FOCAD: variants seen among roughly 807,000 people sequenced by gnomAD.
The protein encoded by FOCAD is KIAA1797.
In FOCAD, 198 loss-of-function variants were observed where a neutral mutation model predicts 225.6. The observed-to-expected ratio is 0.88, with a 90% CI of 0.78 to 0.99. The LOEUF is 0.99. FOCAD is among the 50% of genes least tolerant of loss of function. FOCAD has a pLI of 0.00. For missense variants in FOCAD, 2,713 were observed against 2,123.6 expected (o/e 1.28, Z -5.46); for synonymous variants, 897 against 755.0 (o/e 1.19, Z -3.08).
At chr9:20,905,290 A>C (rs1832863041) in intron 21 of FOCAD, among the ~76,000 whole-genome samples, 1 of 152,020 alleles carries the variant, frequency 6.6e-6, no homozygotes, top group Admixed American at 6.6e-5. Flanking sequence ...CCTTTTAAAT[A>C]GGTTTCCTGG....
chr9:20,660,838 AAAG>A (rs1410281314), intron 2 of FOCAD, among the ~76,000 whole-genome samples: 1 of 152,164 alleles, frequency 6.6e-6, no homozygotes. Context: ...TACAGAAATA[AAAG>A]AAGAATTATG....
chr9:20,960,323 C>T lies in FOCAD; in HGVS notation c.4132+7258C>T, dbSNP rs571009709. Among the ~76,000 whole-genome samples the T allele has an allele frequency of 5.2e-4, 79 of 152,326 alleles. 1 individual carries two copies. The highest frequency in any genetic ancestry group is 1.8e-3 in the African/African-American group (76 of 41,562). On this transcript the variant is annotated intron_variant, in intron 35 of 43. Transcript: ENST00000338382. ...GCTTCTCACTGCATCCCATCTGTGG[C>T]ACATGACGTCTCAGCTGCCTCCACT...
chr9:20,740,386 A>G, intron 5 of FOCAD, 46 bp downstream of exon 5: 2 of 1,071,404 alleles, frequency 1.9e-6, no homozygotes, highest in Non-Finnish European at 2.8e-6. Flanking sequence ...TGAATTTTTA[A>G]TGAAATTATT....
Position 20,714,588 on chromosome 9 carries a change from C to G in FOCAD, c.-32-734C>G, listed in dbSNP as rs529897950. Among the ~76,000 whole-genome samples the G allele has an allele frequency of 2.1e-5, 3 of 140,860 alleles. No individual in the cohort carries two copies. The East Asian group carries it at 6.6e-4, about 31-fold the overall frequency. 92.4% of individuals were successfully genotyped at this position (140,860 alleles called of 152,430 possible). A position where few individuals can be genotyped will look rare whatever the true frequency, so the allele number is the denominator to read the frequency against. On this transcript the variant is annotated intron_variant, in intron 1 of 43. Coordinates refer to ENST00000338382, the MANE Select transcript of FOCAD (RefSeq NM_001375567.1). Reference sequence around the variant, plus strand: ...GGTCCTGCTTTACCACCTGCCTTCCCCATCCTTTTGCATGCTTGCCTGCCT... The same window carrying G: ...GGTCCTGCTTTACCACCTGCCTTCCGCATCCTTTTGCATGCTTGCCTGCCT...
rs769579823 is a variant in FOCAD, at chr9:20,866,954, A to G, written c.2132A>G (p.Tyr711Cys). 2.7e-6 allele frequency: 4 copies of G among 1,504,186 alleles called. No homozygotes were observed. The highest frequency in any genetic ancestry group is 3.8e-5 in the Admixed American group (2 of 51,962). 93.2% of individuals were successfully genotyped at this position (1,504,186 alleles called of 1,614,324 possible). ...NKDPIVANAA[Y>C]RSLANFSAGE... Reference sequence around the variant, plus strand: ...GACCCAATTGTAGCAAATGCTGCATATAGATCCCTGGCCAACTTTAGTGCA... The same window carrying G: ...GACCCAATTGTAGCAAATGCTGCATGTAGATCCCTGGCCAACTTTAGTGCA... Residue 711 changes from tyrosine to cysteine, a missense_variant, in exon 18 of 44, where the codon TAT becomes TGT. Coordinates refer to ENST00000338382, the MANE Select transcript of FOCAD (RefSeq NM_001375567.1).
Position 20,948,307 on chromosome 9 carries a change from C to T in FOCAD, c.3712C>T (p.His1238Tyr). 6.2e-7 allele frequency: 1 copy of T among 1,610,742 alleles called. No individual in the cohort carries two copies. The highest frequency in any genetic ancestry group is 8.5e-7 in the Non-Finnish European group (1 of 1,178,250). Residue 1238 changes from histidine (H) to tyrosine (Y), a missense_variant, in exon 31 of 44, where the codon CAT becomes TAT. His to Tyr is a moderately conservative substitution (Grantham distance 83, BLOSUM62 2). Coordinates refer to ENST00000338382, the MANE Select transcript of FOCAD (RefSeq NM_001375567.1). ...GFALALGNIV[H>Y]GLSVCGHGKA... ...TGCCCTGGCTTTAGGAAACATAGTT[C>T]ATGGATTGTCTGTGTGTGGACATGG...
intron 11 of FOCAD, among the ~76,000 whole-genome samples, chr9:20,815,569 TGCTG>T (rs1823643846): frequency 6.6e-6 from 1 of 151,940 alleles, no homozygotes; most frequent in East Asian, 1.9e-4. Context: ...ACTCCCTTCT[TGCTG>T]GCAAGATTTC....
chr9:20,920,514 G>A (rs561948687), intron 24 of FOCAD, among the ~76,000 whole-genome samples: 108 of 126,386 alleles, frequency 8.5e-4, no homozygotes, highest in African/African-American at 3.1e-3. Context: ...ACATGCACAC[G>A]TATGTTTATT....
At chr9:20,714,637 T>TGCC (rs397745185) in intron 1 of FOCAD, among the ~76,000 whole-genome samples, 27,205 of 71,460 alleles carry the variant, frequency 0.38, 4,325 homozygotes, top group Middle Eastern at 0.44. Context: ...CCTGCCTGCC[T>TGCC]TCCTTCCTTC....
At chr9:20,970,901 C>T (rs1275492440) in intron 35 of FOCAD, among the ~76,000 whole-genome samples, 2 of 152,024 alleles carry the variant, frequency 1.3e-5, no homozygotes, top group Non-Finnish European at 2.9e-5. Context: ...TCACATTAAA[C>T]ATTAATTAAG....
At position 20,885,246 on chromosome 9, in the gene FOCAD, CTCT is replaced by C; in HGVS notation, c.2625+21_2625+23del. On this transcript the variant is annotated intron_variant, in intron 21 of 43. Transcript: ENST00000338382. ...TGTACATGAGGTAGGTTCCCGTGTC[CTCT>C]TCTTTATGTTTTAGTGTTTTCTCCC... is the stretch of plus-strand genomic sequence containing the variant. The C allele has an allele frequency of 1.4e-6, 2 of 1,446,950 alleles. No homozygotes were observed. Among genetic ancestry groups the C allele is most frequent in the Non-Finnish European group, 1.8e-6 (2 of 1,096,402 alleles). 89.6% of individuals were successfully genotyped at this position (1,446,950 alleles called of 1,614,324 possible). A position where few individuals can be genotyped will look rare whatever the true frequency, so the allele number is the denominator to read the frequency against.
chr9:20,772,039 C>T (rs1818289836), intron 8 of FOCAD, among the ~76,000 whole-genome samples: 1 of 152,068 alleles, frequency 6.6e-6, no homozygotes, highest in Non-Finnish European at 1.5e-5. Context: ...TTTGAGAGGA[C>T]ACAGTTCAGC....
At chr9:20,915,988 A>G (rs777835460) in intron 23 of FOCAD, among the ~76,000 whole-genome samples, 7 of 152,228 alleles carry the variant, frequency 4.6e-5, no homozygotes. Flanking sequence ...TTTAAAAAAT[A>G]CAAGATTGAG....
intron 24 of FOCAD, among the ~76,000 whole-genome samples, chr9:20,921,931 C>T (rs1238280303): frequency 6.6e-6 from 1 of 152,102 alleles, no homozygotes; most frequent in African/African-American, 2.4e-5. Context: ...CTCACGTTTT[C>T]TACAGAGTAA....
chr9:20,973,009 C>G (rs1420907355), intron 35 of FOCAD, among the ~76,000 whole-genome samples: 1 of 150,626 alleles, frequency 6.6e-6, no homozygotes, highest in Non-Finnish European at 1.5e-5. Flanking sequence ...GTTCCCTCTT[C>G]TTTCAGCATC....
chr9:20,770,319 G>A (rs1818075803), intron 8 of FOCAD, 81 bp downstream of exon 8: 1 of 1,302,924 alleles, frequency 7.7e-7, no homozygotes, highest in Admixed American at 1.9e-5. Flanking sequence ...AAGAAATGAG[G>A]TTTAATTGGC....
chr9:20,881,114 C>T (rs1830632997), intron 19 of FOCAD, among the ~76,000 whole-genome samples: 1 of 152,046 alleles, frequency 6.6e-6, no homozygotes, highest in Non-Finnish European at 1.5e-5. Flanking sequence ...CCTAATATTG[C>T]TAAGTATAGA....
At chr9:20,728,215 T>G (rs990167964) in intron 4 of FOCAD, among the ~76,000 whole-genome samples, 4 of 152,180 alleles carry the variant, frequency 2.6e-5, no homozygotes, top group Non-Finnish European at 5.9e-5. Context: ...AACTATCCCC[T>G]GTCTGAAATG....
At chr9:20,800,554 C>G (rs1587220463) in intron 11 of FOCAD, among the ~76,000 whole-genome samples, 1 of 152,052 alleles carries the variant, frequency 6.6e-6, no homozygotes, top group East Asian at 1.9e-4. Flanking sequence ...TTTCTTTTCA[C>G]TCTTTTTTCT....
Sources: allele counts gnomAD v4.1 joint callset (sites outside exome capture counted in the v4.1 genomes callset), GRCh38; gene constraint gnomAD v4.1.1; transcripts MANE v1.5; gene names NCBI Gene and HGNC (gene_info 2026-07-23, HGNC 2026-07-21).